DIP2C: variants seen among roughly 807,000 people sequenced by gnomAD.
DIP2C encodes disco-interacting protein 2 homolog C.
Under a neutral mutation model 192.4 loss-of-function variants are expected in DIP2C, and 33 were observed. The ratio of observed to expected loss-of-function variants is 0.17; its 90% CI spans 0.13 to 0.23. DIP2C has a LOEUF of 0.23. Ranked by LOEUF, DIP2C falls within the 10% of genes least tolerant of loss-of-function variation. DIP2C has a pLI of 1.00. For synonymous variants in DIP2C, 979 were observed against 864.1 expected (o/e 1.13, Z -2.33); for missense variants, 1,537 against 2,110.1 (o/e 0.73, Z 5.32).
intron 1 of DIP2C, among the ~76,000 whole-genome samples, chr10:529,872 T>TG (rs746662759): frequency 1.4e-4 from 22 of 151,964 alleles, no homozygotes; most frequent in Non-Finnish European, 2.4e-4. Flanking sequence ...CTTGACTTTC[T>TG]GGCTCAAGCA....
At chr10:509,198 G>A (rs937310402) in intron 1 of DIP2C, among the ~76,000 whole-genome samples, 2 of 152,124 alleles carry the variant, frequency 1.3e-5, no homozygotes, top group Non-Finnish European at 2.9e-5. Context: ...TGGCACGCGT[G>A]GATACTGATT....
intron 1 of DIP2C, among the ~76,000 whole-genome samples, chr10:620,507 C>T (rs1340405790): frequency 2.0e-5 from 3 of 152,110 alleles, no homozygotes; most frequent in Non-Finnish European, 4.4e-5. Flanking sequence ...ATGGCACCGT[C>T]GTACTAAAGA....
At position 494,598 on chromosome 10, in the gene DIP2C, CAG is replaced by C. The variant is rs1451624312; in HGVS notation, c.86-8070_86-8069del. Among the ~76,000 whole-genome samples the C allele has an allele frequency of 4.6e-5, 7 of 152,126 alleles. No homozygotes were observed. In the East Asian group the frequency reaches 9.6e-4, roughly 21 times the overall value. ...ATATGCAGCATGAGAAAGCAAAGCT[CAG>C]AGAGAGGTGTAATGAGGAGGCTGCT... On this transcript the variant is annotated intron_variant, in intron 1 of 36. Transcript: ENST00000280886.
intron 31 of DIP2C, among the ~76,000 whole-genome samples, chr10:317,867 CTTCTT>C (rs1956843030): frequency 1.3e-5 from 2 of 152,052 alleles, no homozygotes; most frequent in African/African-American, 4.8e-5. Flanking sequence ...GAATGTTCCT[CTTCTT>C]TTCTCTCTCT....
intron 1 of DIP2C, among the ~76,000 whole-genome samples, chr10:492,674 G>A (rs1180914308): frequency 6.6e-6 from 1 of 152,180 alleles, no homozygotes; most frequent in Non-Finnish European, 1.5e-5. Flanking sequence ...TTTTAGACAT[G>A]CTGTTGCAGT....
intron 3 of DIP2C, among the ~76,000 whole-genome samples, chr10:464,711 A>C (rs1970067307): frequency 6.6e-6 from 1 of 152,246 alleles, no homozygotes; most frequent in African/African-American, 2.4e-5. Flanking sequence ...TCACAATAGC[A>C]AAAACTCGGA....
chr10:600,773 G>A (rs1456054001), intron 1 of DIP2C, among the ~76,000 whole-genome samples: 3 of 152,206 alleles, frequency 2.0e-5, no homozygotes, highest in Non-Finnish European at 4.4e-5. Flanking sequence ...GAGGAGTATC[G>A]TTGTGGACAA....
At chr10:522,469 A>T (rs1846774615) in intron 1 of DIP2C, among the ~76,000 whole-genome samples, 1 of 152,234 alleles carries the variant, frequency 6.6e-6, no homozygotes, top group Non-Finnish European at 1.5e-5. Flanking sequence ...CGGAGTGCTT[A>T]GTTCCATGGG....
chr10:412,743 G>C (rs774011423), intron 8 of DIP2C, among the ~76,000 whole-genome samples: 2 of 152,130 alleles, frequency 1.3e-5, no homozygotes, highest in East Asian at 3.9e-4. Context: ...GACCTCCATG[G>C]CTAATGTAGA....
intron 29 of DIP2C, chr10:340,674 T>C (rs1361354460): frequency 4.6e-6 from 2 of 433,464 alleles, no homozygotes; most frequent in South Asian, 3.2e-5. Flanking sequence ...TGGTCATTCA[T>C]TCATCCCATA....
chr10:365,085 C>A, intron 19 of DIP2C: 1 of 493,606 alleles, frequency 2.0e-6, no homozygotes, highest in South Asian at 1.5e-5. Context: ...CTTTTTTCCT[C>A]CACCCTTGCA....
At chr10:500,094 G>A (rs1845121236) in intron 1 of DIP2C, among the ~76,000 whole-genome samples, 1 of 152,204 alleles carries the variant, frequency 6.6e-6, no homozygotes, top group African/African-American at 2.4e-5. Flanking sequence ...GCAGACTCCT[G>A]CAAGCCTTCA....
intron 1 of DIP2C, among the ~76,000 whole-genome samples, chr10:590,536 G>A (rs996346251): frequency 2.0e-5 from 3 of 152,278 alleles, no homozygotes; most frequent in East Asian, 1.9e-4. Context: ...TTTCATCAAC[G>A]ATGCAGGTGC....
At chr10:525,083 G>A (rs1391270222) in intron 1 of DIP2C, among the ~76,000 whole-genome samples, 1 of 151,886 alleles carries the variant, frequency 6.6e-6, no homozygotes, top group Admixed American at 6.6e-5. Context: ...AGTTTGGATG[G>A]AACATGACAT....
intron 17 of DIP2C, chr10:369,965 T>A (rs959789404): frequency 3.0e-6 from 3 of 985,282 alleles, no homozygotes; most frequent in Non-Finnish European, 3.6e-6. Flanking sequence ...ACAGACCAGC[T>A]CTCTCTTTCC....
chr10:590,291 A>C (rs575227653), intron 1 of DIP2C, among the ~76,000 whole-genome samples: 2 of 152,254 alleles, frequency 1.3e-5, no homozygotes, highest in Admixed American at 1.3e-4. Flanking sequence ...CTGAAATAGC[A>C]CAGCACCTTC....
chr10:546,786 A>C (rs1848306775), intron 1 of DIP2C, among the ~76,000 whole-genome samples: 1 of 101,876 alleles, frequency 9.8e-6, no homozygotes, highest in African/African-American at 4.6e-5. Context: ...ACATTTCATT[A>C]TGTCAAAAAA....
At chr10:283,244 G>A in intron 35 of DIP2C, 28 bp downstream of exon 35, 1 of 1,443,738 alleles carries the variant, frequency 6.9e-7, no homozygotes, top group South Asian at 1.2e-5. Flanking sequence ...CCATCTGTTG[G>A]GGGGGGGCCG....
intron 3 of DIP2C, among the ~76,000 whole-genome samples, chr10:467,527 A>T (rs907130680): frequency 5.6e-5 from 2 of 35,426 alleles, no homozygotes; most frequent in African/African-American, 7.9e-5. Flanking sequence ...AACTTAAAGT[A>T]TAAAAAAAAA....
Sources: gnomAD v4.1 joint callset for allele counts (sites outside exome capture counted in the v4.1 genomes callset) on GRCh38, gnomAD v4.1.1 for gene constraint, MANE v1.5 for transcripts, NCBI Gene and HGNC (gene_info 2026-07-23, HGNC 2026-07-21) for gene names.